NOP56: variants seen among roughly 807,000 people sequenced by gnomAD.
The protein encoded by NOP56 is NOP56 ribonucleoprotein, also known as nucleolar protein 56.
Under a neutral mutation model 58.3 loss-of-function variants are expected in NOP56, and 31 were observed. That is an observed-to-expected ratio of 0.53 (90% CI 0.40 to 0.72). The LOEUF is 0.72. Ranked by LOEUF, NOP56 falls within the 30% of genes least tolerant of loss-of-function variation. The pLI is 0.00. For synonymous variants in NOP56, 313 were observed against 282.8 expected (o/e 1.11, Z -1.07); for missense variants, 669 against 739.9 (o/e 0.90, Z 1.11).
Position 2,658,363 on chromosome 20 carries a change from C to G in NOP56, c.*69C>G. On this transcript the variant is annotated 3_prime_UTR_variant, in exon 12 of 12. Coordinates refer to ENST00000329276, the MANE Select transcript of NOP56 (RefSeq NM_006392.4). ...CAAGGTGACATTTCCCACCCTGTGC[C>G]GTGTTCCCCAATAAAAACAAATTCA... The G allele has an allele frequency of 1.2e-6, 2 of 1,606,948 alleles. No individual in the cohort carries two copies. Among genetic ancestry groups the G allele is most frequent in the Non-Finnish European group, 1.7e-6 (2 of 1,176,696 alleles).
rs548423657 is a variant in NOP56, at chr20:2,656,090, G to C, written c.1010+56G>C. On this transcript the variant is annotated intron_variant, in intron 8 of 11. Coordinates refer to ENST00000329276, the MANE Select transcript of NOP56 (RefSeq NM_006392.4). ...GTGCCACTTCTGGTGCCCACTGCTT[G>C]TTGGGGGATCACGGTGATGGCTGAC... The C allele has an allele frequency of 1.9e-5, 31 of 1,613,832 alleles. 1 individual carries two copies. Among genetic ancestry groups the C allele is most frequent in the Middle Eastern group, 1.7e-4 (1 of 6,060 alleles).
At position 2,652,932 on chromosome 20, in the gene NOP56, G is replaced by A; in HGVS notation, c.93+1G>A. ...GGAGATCAGTCTGCTGCAGCCGCAGGTGGGTGAGATCCGTGGGCTCCTTTG... is the reference window on the plus strand; with the variant it reads ...GGAGATCAGTCTGCTGCAGCCGCAGATGGGTGAGATCCGTGGGCTCCTTTG... On this transcript the variant is annotated splice_donor_variant, in intron 2 of 11. Transcript: ENST00000329276. LOFTEE classifies it high-confidence loss of function. 1 of 1,599,670 alleles carries A rather than the reference G, an allele frequency of 6.3e-7. No homozygotes were observed. The highest frequency in any genetic ancestry group is 8.5e-7 in the Non-Finnish European group (1 of 1,172,284).
Position 2,656,433 on chromosome 20 carries a change from A to G in NOP56, c.1043A>G (p.Tyr348Cys). 1.2e-6 allele frequency: 2 copies of G among 1,614,154 alleles called. No homozygotes were observed. The highest frequency in any genetic ancestry group is 1.7e-6 in the Non-Finnish European group (2 of 1,180,030). ...AAGACAAGGGGTAACACTCCAAAAT[A>G]TGGACTCATTTTCCACTCCACCTTC... is the stretch of plus-strand genomic sequence containing the variant. The part of the protein sequence containing the change: ...ALKTRGNTPK[Y>C]GLIFHSTFIG... Residue 348 changes from tyrosine (Y) to cysteine (C), a missense_variant, in exon 9 of 12, where the codon TAT (tyrosine) becomes TGT (cysteine). By Grantham distance (194) the Tyr-to-Cys change is radical (BLOSUM62 -2). This residue lies in a region of NOP56 where 339 missense variants were observed against 430.5 expected (regional missense o/e 0.79). Transcript: ENST00000329276.
At chr20:2,657,690 A>C in intron 11 of NOP56, 1 of 531,218 alleles carries the variant, frequency 1.9e-6, no homozygotes, top group Non-Finnish European at 3.3e-6. Context: ...TGCGACCAGC[A>C]TGGTGGGTGT....
chr20:2,656,332 G>T, intron 8 of NOP56, 69 bp from the exon 9 acceptor site: 2 of 1,607,918 alleles, frequency 1.2e-6, no homozygotes, highest in Non-Finnish European at 1.7e-6. Context: ...AGGAGGGGAG[G>T]AGCTGAGCTG....
intron 8 of NOP56, 44 bp from the exon 9 acceptor site, chr20:2,656,357 G>A (rs761372498): frequency 1.1e-5 from 17 of 1,612,804 alleles, no homozygotes; most frequent in Middle Eastern, 3.3e-4. Context: ...GGCTAATGGG[G>A]TTGAAATTTC....
chr20:2,656,094 G>A (rs779819957), intron 8 of NOP56, 60 bp downstream of exon 8: 1 of 1,613,642 alleles, frequency 6.2e-7, no homozygotes, highest in Non-Finnish European at 8.5e-7. Context: ...CTGCTTGTTG[G>A]GGGATCACGG....
In NOP56 at chr20:2,658,362, C is replaced by T. The variant is rs1600163765; in HGVS notation, c.*68C>T. 1.2e-6 allele frequency: 2 copies of T among 1,606,388 alleles called. No individual in the cohort carries two copies. The highest frequency in any genetic ancestry group is 1.7e-6 in the Non-Finnish European group (2 of 1,176,348). ...CCAAGGTGACATTTCCCACCCTGTG[C>T]CGTGTTCCCCAATAAAAACAAATTC... On this transcript the variant is annotated 3_prime_UTR_variant, in exon 12 of 12. Coordinates refer to ENST00000329276, the MANE Select transcript of NOP56 (RefSeq NM_006392.4).
Position 2,658,108 on chromosome 20 carries a change from G to A in NOP56, c.1599G>A (p.Lys533=). ...EETAGSTSIP[K]RKKSTPKEET... ...CCGCTGGCAGCACCAGTATTCCCAA[G>A]AGGAAGAAGTCTACACCCAAGGAGG... The change falls in exon 12 of 12, where the codon AAG becomes AAA. Residue 533 remains lysine (K), a synonymous_variant. Coordinates refer to ENST00000329276, the MANE Select transcript of NOP56 (RefSeq NM_006392.4). 1 of 1,614,102 alleles carries A rather than the reference G, an allele frequency of 6.2e-7. No homozygotes were observed.
Position 2,652,655 on chromosome 20 carries a change from G to T in NOP56, c.-6G>T, listed in dbSNP as rs760070159. On this transcript the variant is annotated 5_prime_UTR_variant, in exon 1 of 12. Coordinates refer to ENST00000329276, the MANE Select transcript of NOP56 (RefSeq NM_006392.4). ...GCATTGCGAGCCGAACCCGGGAGCT[G>T]GCGCCATGGTGAGGAGTGGTTGCGG... The T allele has an allele frequency of 7.0e-7, 1 of 1,429,682 alleles. No individual in the cohort carries two copies. The allele number at this position is 1,429,682 out of a possible 1,614,324, so 88.6% of individuals were successfully genotyped here. A position where few individuals can be genotyped will look rare whatever the true frequency, so the allele number is the denominator to read the frequency against.
chr20:2,655,638 C>T lies in NOP56; in HGVS notation c.801C>T (p.Phe267=). 2 of 1,614,210 alleles carry T rather than the reference C, an allele frequency of 1.2e-6. No individual in the cohort carries two copies. Among genetic ancestry groups the T allele is most frequent in the Non-Finnish European group, 8.5e-7 (1 of 1,180,036 alleles). The change falls in exon 7 of 12, where the codon TTC becomes TTT. Residue 267 remains phenylalanine, a synonymous_variant. Transcript: ENST00000329276. ...SAIDLINIES[F]SSRVVSLSEY... is the part of the protein sequence containing the mutation. Reference sequence around the variant, plus strand: ...TTGACTTGATAAACATCGAGAGCTTCTCCAGTCGTGTGGTGTCTTTATCTG... The same window carrying T: ...TTGACTTGATAAACATCGAGAGCTTTTCCAGTCGTGTGGTGTCTTTATCTG...
chr20:2,652,740 GGCCTGGGCCTGGGCCTGC>G (rs749867861), intron 1 of NOP56, 77 bp downstream of exon 1: 18 of 1,506,934 alleles, frequency 1.2e-5, no homozygotes, highest in African/African-American at 1.0e-4. Context: ...ACAGGGCCTG[GGCCTGGGCCTGGGCCTGC>G]GCCTGCGCCT....
Position 2,658,226 on chromosome 20 carries a change from G to C in NOP56, c.1717G>C (p.Glu573Gln). 1 of 1,603,160 alleles carries C rather than the reference G, an allele frequency of 6.2e-7. No individual in the cohort carries two copies. The highest frequency in any genetic ancestry group is 1.1e-5 in the South Asian group (1 of 89,770). ...SKEEPVSSGP[E>Q]EAVGKSSSKK... ...AGAGGAGCCGGTCAGCAGTGGGCCT[G>C]AAGAGGCGGTTGGCAAGAGCAGCTC... The change falls in exon 12 of 12, where the codon GAA becomes CAA. Residue 573 changes from glutamate to glutamine, a missense_variant. This residue lies in a region of NOP56 where 209 missense variants were observed against 196.2 expected (regional missense o/e 1.07). Transcript: ENST00000329276.
chr20:2,656,308 G>T, intron 8 of NOP56, 93 bp from the exon 9 acceptor site: 1 of 1,604,466 alleles, frequency 6.2e-7, no homozygotes, highest in South Asian at 1.1e-5. Flanking sequence ...GCTCACTCAG[G>T]ACTTCGGGGT....
intron 8 of NOP56, 124 bp from the exon 9 acceptor site, chr20:2,656,277 A>C: frequency 6.2e-7 from 1 of 1,604,932 alleles, no homozygotes; most frequent in Non-Finnish European, 8.5e-7. Context: ...GCATTGGGGT[A>C]GAGATCCAAT....
rs944773319 is a variant in NOP56 at position 2,657,539 on chromosome 20, T to TC, written c.1419+322dup. On this transcript the variant is annotated intron_variant, in intron 11 of 11. Coordinates refer to ENST00000329276, the MANE Select transcript of NOP56 (RefSeq NM_006392.4). ...TTATCAGACGTGTGTCCGGAGGTGG[T>TC]CGTGTTTCACAGTGGGGATGGGGGC... The TC allele has an allele frequency of 2.4e-5, 13 of 552,622 alleles. No homozygotes were observed. In the African/African-American group the frequency reaches 2.5e-4, roughly 10 times the overall value. 34.2% of individuals were successfully genotyped at this position (552,622 alleles called of 1,614,324 possible).
rs1218414811 is a variant in NOP56 at position 2,653,344 on chromosome 20, C to G, written c.159C>G (p.Pro53=). 2 of 1,614,068 alleles carry G rather than the reference C, an allele frequency of 1.2e-6. No homozygotes were observed. The highest frequency in any genetic ancestry group is 1.7e-6 in the Non-Finnish European group (2 of 1,180,028). ...HSIVRLVAFC[P]FASSQVALEN... The stretch of plus-strand genomic sequence containing the variant: ...TCGTTCGTCTGGTGGCCTTTTGTCC[C>G]TTTGCCTCATCCCAGGTTGCCTTGG... The change falls in exon 3 of 12, where the codon CCC becomes CCG. Residue 53 remains proline, a synonymous_variant. Transcript: ENST00000329276.
chr20:2,655,944 G>A lies in NOP56; in HGVS notation c.920G>A (p.Arg307His), dbSNP rs760993232. 24 of 1,614,076 alleles carry A rather than the reference G, an allele frequency of 1.5e-5. No homozygotes were observed. Among genetic ancestry groups the A allele is most frequent in the East Asian group, 4.5e-5 (2 of 44,892 alleles). The change falls in exon 8 of 12, where the codon CGT becomes CAT. Residue 307 changes from arginine (R) to histidine (H), a missense_variant. Coordinates refer to ENST00000329276, the MANE Select transcript of NOP56 (RefSeq NM_006392.4). Reference sequence around the variant, plus strand: ...TGACTCTCTCTCCAGGTAGGTGCACGTCTCATCGCACATGCTGGCAGCCTC... The same window carrying A: ...TGACTCTCTCTCCAGGTAGGTGCACATCTCATCGCACATGCTGGCAGCCTC... ...SALIGEAVGA[R>H]LIAHAGSLTN...
chr20:2,652,949 G>C lies in NOP56; in HGVS notation c.93+18G>C, dbSNP rs762936573. ...AGCCGCAGGTGGGTGAGATCCGTGG[G>C]CTCCTTTGGCGGCCCCGCAGACCCT... On this transcript the variant is annotated intron_variant, in intron 2 of 11. Transcript: ENST00000329276. The C allele has an allele frequency of 2.5e-6, 4 of 1,574,114 alleles. No individual in the cohort carries two copies. Among genetic ancestry groups the C allele is most frequent in the Admixed American group, 1.8e-5 (1 of 56,272 alleles).
Sources: gnomAD v4.1 joint callset for allele counts on GRCh38, gnomAD v4.1.1 for gene constraint, gnomAD v4.1.1 regional missense constraint, MANE v1.5 for transcripts, NCBI Gene and HGNC (gene_info 2026-07-23, HGNC 2026-07-21) for gene names.